Variants in SLC38A12 observed in about 807,000 individuals in gnomAD.
SLC38A12 encodes the protein putative sodium-coupled neutral amino acid transporter 12.
At chr17:74,829,349 C>T in the SLC38A12 span, among the ~76,000 whole-genome samples, 1 of 152,206 alleles carries the variant, frequency 6.6e-6, no homozygotes, top group Non-Finnish European at 1.5e-5. This position sits in a 1 kb window ranked among gnomAD's most constrained non-coding sequence, Gnocchi z 4.1. Context: ...GTCTCAAACT[C>T]CTGGGCTCAA....
chr17:74,835,378 G>C, the SLC38A12 span, among the ~76,000 whole-genome samples: 1 of 152,122 alleles, frequency 6.6e-6, no homozygotes, highest in Non-Finnish European at 1.5e-5. Context: ...ACTCCTGCCT[G>C]TCGGCCTCAG....
At chr17:74,828,610 C>T in the SLC38A12 span, among the ~76,000 whole-genome samples, 1 of 152,186 alleles carries the variant, frequency 6.6e-6, no homozygotes, top group Non-Finnish European at 1.5e-5. Flanking sequence ...GGAGATGTCC[C>T]TCTGATGGTG....
At chr17:74,777,440 C>T in the SLC38A12 span, 1 of 1,608,810 alleles carries the variant, frequency 6.2e-7, no homozygotes, top group Non-Finnish European at 8.5e-7. Context: ...AAGCACATTG[C>T]TTGCTGGAGA....
chr17:74,838,552 C>T, the SLC38A12 span: 10 of 1,153,542 alleles, frequency 8.7e-6, no homozygotes, highest in Non-Finnish European at 9.6e-6. Flanking sequence ...ACCGCCCAGC[C>T]ATGGAGTCGG....
the SLC38A12 span, among the ~76,000 whole-genome samples, chr17:74,787,296 G>A: frequency 6.6e-6 from 1 of 151,492 alleles, no homozygotes; most frequent in South Asian, 2.1e-4. Flanking sequence ...AGGCAGGGGT[G>A]AGTCTGCTGG....
At chr17:74,833,468 C>T in the SLC38A12 span, among the ~76,000 whole-genome samples, 1 of 152,328 alleles carries the variant, frequency 6.6e-6, no homozygotes, top group Middle Eastern at 3.4e-3. Flanking sequence ...CGTCTCATTT[C>T]TTTGGAAACC....
the SLC38A12 span, among the ~76,000 whole-genome samples, chr17:74,803,079 G>A: frequency 6.6e-6 from 1 of 152,162 alleles, no homozygotes; most frequent in African/African-American, 2.4e-5. Context: ...GAAATAAATT[G>A]GGAGGGTAGT....
the SLC38A12 span, among the ~76,000 whole-genome samples, chr17:74,810,309 C>T: frequency 1.3e-5 from 2 of 152,206 alleles, no homozygotes; most frequent in South Asian, 2.1e-4. Flanking sequence ...GTTCTGTCTT[C>T]GGTCATCATG....
the SLC38A12 span, among the ~76,000 whole-genome samples, chr17:74,791,647 A>G: frequency 6.6e-6 from 1 of 152,228 alleles, no homozygotes; most frequent in Admixed American, 6.5e-5. Flanking sequence ...GTGGCTTCCC[A>G]GTGGCCGGCA....
At chr17:74,783,399 A>C in the SLC38A12 span, among the ~76,000 whole-genome samples, 2 of 152,246 alleles carry the variant, frequency 1.3e-5, no homozygotes, top group Non-Finnish European at 2.9e-5. Context: ...ACAAGGATTC[A>C]AAGGCGGGAG....
At chr17:74,805,881 C>T in the SLC38A12 span, among the ~76,000 whole-genome samples, 49 of 152,320 alleles carry the variant, frequency 3.2e-4, 1 homozygote, top group African/African-American at 1.1e-3. The surrounding 1 kb of genome is among the most constrained non-coding windows in gnomAD (Gnocchi z 5.0). Flanking sequence ...GCACAAGCTC[C>T]GGGCAACAGA....
At chr17:74,777,361 C>G in the SLC38A12 span, 5 of 1,614,228 alleles carry the variant, frequency 3.1e-6, no homozygotes, top group Non-Finnish European at 3.4e-6. Context: ...GACCGGGGAA[C>G]TCTACTCTTC....
the SLC38A12 span, among the ~76,000 whole-genome samples, chr17:74,811,417 G>C: frequency 6.6e-6 from 1 of 151,996 alleles, no homozygotes; most frequent in African/African-American, 2.4e-5. Flanking sequence ...AAGAATAGTA[G>C]AATAGTACTG....
chr17:74,823,174 C>A, the SLC38A12 span, among the ~76,000 whole-genome samples: 1 of 151,294 alleles, frequency 6.6e-6, no homozygotes, highest in Non-Finnish European at 1.5e-5. Context: ...CCAGATGAGG[C>A]CATGCTTTCC....
At chr17:74,796,020 A>G in the SLC38A12 span, among the ~76,000 whole-genome samples, 2 of 152,170 alleles carry the variant, frequency 1.3e-5, no homozygotes, top group African/African-American at 4.8e-5. Flanking sequence ...GCCCAAGAGC[A>G]TATGGTTCGA....
the SLC38A12 span, among the ~76,000 whole-genome samples, chr17:74,812,652 C>T: frequency 1.3e-5 from 2 of 152,108 alleles, no homozygotes; most frequent in Non-Finnish European, 2.9e-5. Flanking sequence ...TTGTGCGCTC[C>T]GCCTCCACCC....
chr17:74,824,891 G>A, the SLC38A12 span, among the ~76,000 whole-genome samples: 7 of 152,298 alleles, frequency 4.6e-5, no homozygotes, highest in Non-Finnish European at 1.0e-4. Context: ...ACATGGTGGT[G>A]GTGGCAGGTG....
chr17:74,814,552 C>T, the SLC38A12 span, among the ~76,000 whole-genome samples: 3 of 152,218 alleles, frequency 2.0e-5, no homozygotes, highest in Non-Finnish European at 1.5e-5. Flanking sequence ...TCCTCAGCTG[C>T]GTTGGGAAGA....
At chr17:74,838,167 G>A in the SLC38A12 span, 251 of 985,696 alleles carry the variant, frequency 2.5e-4, 1 homozygote, top group African/African-American at 3.9e-3. Context: ...CCTGCGTGGT[G>A]TAATTGGCCT....
Sources: allele counts gnomAD v4.1 joint callset (sites outside exome capture counted in the v4.1 genomes callset), GRCh38; gene constraint gnomAD v4.1.1; non-coding constraint Gnocchi (gnomAD v3.1); transcripts MANE v1.5; gene names NCBI Gene and HGNC (gene_info 2026-07-23, HGNC 2026-07-21).